TASOR: variants seen among roughly 807,000 people sequenced by gnomAD.
The protein encoded by TASOR is transcription activation suppressor.
A neutral mutation model predicts 178.6 loss-of-function variants in TASOR; 53 were observed. The ratio of observed to expected loss-of-function variants is 0.30; its 90% CI spans 0.24 to 0.37. The LOEUF is 0.37. TASOR is among the 10% of genes least tolerant of loss of function. TASOR has a pLI of 1.00. For missense variants in TASOR, 1,815 were observed against 1,971.4 expected (o/e 0.92, Z 1.50); for synonymous variants, 713 against 696.2 (o/e 1.02, Z -0.38).
chr3:56,670,017 AT>A (rs957742691), intron 4 of TASOR, 55 bp downstream of exon 4: 10 of 1,185,886 alleles, frequency 8.4e-6, no homozygotes, highest in South Asian at 3.0e-5. Flanking sequence ...GAGACAATGT[AT>A]TTTTAGACAG....
intron 15 of TASOR, among the ~76,000 whole-genome samples, 179 bp downstream of exon 15, chr3:56,641,170 C>A (rs992291749): frequency 6.9e-6 from 1 of 144,960 alleles, no homozygotes; most frequent in Non-Finnish European, 1.5e-5. Context: ...ACTACTTCAG[C>A]ATTTATCTCT....
intron 11 of TASOR, among the ~76,000 whole-genome samples, chr3:56,656,568 G>T (rs773975111): frequency 1.3e-5 from 2 of 151,892 alleles, no homozygotes; most frequent in African/African-American, 4.8e-5. Flanking sequence ...TCCAGCCTGG[G>T]TGACAGAGCG....
chr3:56,624,015 C>T (rs2076745142), intron 23 of TASOR, among the ~76,000 whole-genome samples: 1 of 152,088 alleles, frequency 6.6e-6, no homozygotes, highest in Non-Finnish European at 1.5e-5. Context: ...GAACCTGGAA[C>T]CAAAGCAGAG....
At position 56,670,113 on chromosome 3, in the gene TASOR, C is replaced by A; in HGVS notation, c.603G>T (p.Val201=). The A allele has an allele frequency of 6.5e-7, 1 of 1,539,962 alleles. No homozygotes were observed. The highest frequency in any genetic ancestry group is 1.2e-5 in the South Asian group (1 of 80,624). ...VQTICEKGLH[V]GQSKITILGS... ...CAAGAATTGTTATTTTGGACTGACC[C>A]ACATGTAATCCTTTTTCACATATGG... The change falls in exon 4 of 24, where the codon GTG becomes GTT. Residue 201 remains valine (V), a synonymous_variant. Coordinates refer to ENST00000683822, the MANE Select transcript of TASOR (RefSeq NM_001365635.2).
chr3:56,659,016 G>C (rs1464729746), intron 11 of TASOR, among the ~76,000 whole-genome samples: 1 of 151,750 alleles, frequency 6.6e-6, no homozygotes, highest in Non-Finnish European at 1.5e-5. Context: ...ACATTTAATT[G>C]AAAGGTTTCT....
chr3:56,630,673 G>A (rs571133824), intron 18 of TASOR, among the ~76,000 whole-genome samples: 2 of 152,146 alleles, frequency 1.3e-5, no homozygotes, highest in East Asian at 3.9e-4. Flanking sequence ...GTGAAACCCT[G>A]TCTCTACTAA....
At chr3:56,645,331 G>A (rs1002608565) in intron 14 of TASOR, among the ~76,000 whole-genome samples, 2 of 152,226 alleles carry the variant, frequency 1.3e-5, no homozygotes, top group Non-Finnish European at 1.5e-5. Flanking sequence ...TACAAATACA[G>A]ATTGCTAAGA....
chr3:56,673,309 G>A (rs2030919957), intron 2 of TASOR, among the ~76,000 whole-genome samples: 1 of 151,782 alleles, frequency 6.6e-6, no homozygotes, highest in African/African-American at 2.4e-5. Context: ...GCACATGACT[G>A]TAATCCCAGC....
chr3:56,674,326 C>A (rs1239694530), intron 1 of TASOR, among the ~76,000 whole-genome samples: 3 of 150,656 alleles, frequency 2.0e-5, no homozygotes, highest in African/African-American at 4.9e-5. Flanking sequence ...CACAGTGAGA[C>A]CCTGTCTCTA....
rs1443455786 is a variant in TASOR at position 56,622,561 on chromosome 3, CTG to C, written c.*474_*475del. The stretch of plus-strand genomic sequence containing the variant: ...AGTTTATTATCTAAATGAAACTGCA[CTG>C]TTAGATAAATCTTGAGGTATCGAGC... On this transcript the variant is annotated 3_prime_UTR_variant, in exon 24 of 24. Transcript: ENST00000683822. 6.6e-6 allele frequency: 1 copy of C among 152,602 alleles called. No individual in the cohort carries two copies. The highest frequency in any genetic ancestry group is 1.9e-4 in the East Asian group (1 of 5,194). The allele number at this position is 152,602 out of a possible 1,614,324, so 9.5% of individuals were successfully genotyped here.
At chr3:56,632,989 T>C in intron 18 of TASOR, 55 bp downstream of exon 18, 1 of 1,359,610 alleles carries the variant, frequency 7.4e-7, no homozygotes, top group Non-Finnish European at 9.9e-7. Flanking sequence ...TTTATAGAGG[T>C]CACACCAACA....
In TASOR at chr3:56,627,556, AC is replaced by A. The variant is rs748551439; in HGVS notation, c.4030+25del. 4 of 1,611,674 alleles carry A rather than the reference AC, an allele frequency of 2.5e-6. No individual in the cohort carries two copies. In the East Asian group the frequency reaches 8.9e-5, roughly 36 times the overall value. On this transcript the variant is annotated intron_variant, in intron 20 of 23. Transcript: ENST00000683822. Reference sequence around the variant, plus strand: ...AAGTATGAGAGTCAGAAGAGGAGTTACGTGCTCAAAAGAACATCATCTTACC... The same window carrying A: ...AAGTATGAGAGTCAGAAGAGGAGTTAGTGCTCAAAAGAACATCATCTTACC...
intron 15 of TASOR, among the ~76,000 whole-genome samples, chr3:56,640,511 C>A (rs749308296): frequency 2.3e-4 from 35 of 152,040 alleles, no homozygotes; most frequent in Non-Finnish European, 4.0e-4. Context: ...CCCCCATCAA[C>A]TTGATTTAAA....
Position 56,621,709 on chromosome 3 carries a change from G to GATTT in TASOR, c.*1324_*1327dup, listed in dbSNP as rs1276272353. 1.3e-6 allele frequency: 1 copy of GATTT among 763,306 alleles called. No individual in the cohort carries two copies. The highest frequency in any genetic ancestry group is 2.8e-5 in the Admixed American group (1 of 35,836). The allele number at this position is 763,306 out of a possible 1,614,324, so 47.3% of individuals were successfully genotyped here. A position where few individuals can be genotyped will look rare whatever the true frequency, so the allele number is the denominator to read the frequency against. On this transcript the variant is annotated 3_prime_UTR_variant, in exon 24 of 24. Transcript: ENST00000683822. ...TCAACTGTATTTTTCAAATAGCCTAGATTTACTTATTTTTTTAAATGCTCA... is the reference window on the plus strand; with the variant it reads ...TCAACTGTATTTTTCAAATAGCCTAGATTTATTTACTTATTTTTTTAAATGCTCA...
intron 11 of TASOR, among the ~76,000 whole-genome samples, chr3:56,657,694 T>G (rs1189630972): frequency 6.6e-6 from 1 of 152,174 alleles, no homozygotes; most frequent in African/African-American, 2.4e-5. Context: ...TCCCTAAGCA[T>G]TTACATTTCA....
intron 15 of TASOR, among the ~76,000 whole-genome samples, chr3:56,640,893 T>C (rs1461957334): frequency 2.0e-5 from 3 of 152,188 alleles, no homozygotes; most frequent in African/African-American, 4.8e-5. Flanking sequence ...AAAGGCTGCT[T>C]ATGTTCCATT....
chr3:56,636,507 C>T (rs1025759747), intron 17 of TASOR, among the ~76,000 whole-genome samples: 6 of 151,358 alleles, frequency 4.0e-5, no homozygotes, highest in Admixed American at 1.3e-4. Context: ...CAGGTTCAAA[C>T]AATTCTCCTG....
chr3:56,672,519 T>A (rs1291048994), intron 2 of TASOR, among the ~76,000 whole-genome samples: 1 of 152,212 alleles, frequency 6.6e-6, no homozygotes, highest in Non-Finnish European at 1.5e-5. Context: ...CATCAAATAT[T>A]TCAAAACATC....
At chr3:56,671,402 A>G in intron 3 of TASOR, 198 bp downstream of exon 3, 1 of 490,006 alleles carries the variant, frequency 2.0e-6, no homozygotes, top group Non-Finnish European at 3.6e-6. Context: ...GGAAGAAAAT[A>G]GGACTGGTCA....
Sources: gnomAD v4.1 joint callset for allele counts (sites outside exome capture counted in the v4.1 genomes callset) on GRCh38, gnomAD v4.1.1 for gene constraint, MANE v1.5 for transcripts, NCBI Gene and HGNC (gene_info 2026-07-23, HGNC 2026-07-21) for gene names.